Variants in MIB1 observed in about 807,000 individuals in gnomAD.
MIB1 encodes the protein MIB E3 ubiquitin protein ligase 1.
Under a neutral mutation model 124.5 loss-of-function variants are expected in MIB1, and 278 were observed. That is an observed-to-expected ratio of 2.23 (90% CI 2.02 to 2.47). MIB1 has a LOEUF of 2.47. Ranked by LOEUF, MIB1 falls within the 30% of genes most tolerant of loss-of-function variation. MIB1 has a pLI of 0.00. For synonymous variants in MIB1, 446 were observed against 429.4 expected, an observed-to-expected ratio of 1.04 and a Z score of -0.48; for missense variants, 957 against 1,254.4, an observed-to-expected ratio of 0.76 and a Z score of 3.58.
At chr18:21,856,199 C>T (rs1483579440) in intron 18 of MIB1, among the ~76,000 whole-genome samples, 8 of 144,664 alleles carry the variant, frequency 5.5e-5, no homozygotes, top group Non-Finnish European at 1.0e-4. Flanking sequence ...CACTGCAGTC[C>T]GCAGTCCGGC....
chr18:21,709,736 A>C (rs1406635989), intron 1 of MIB1, among the ~76,000 whole-genome samples: 1 of 152,210 alleles, frequency 6.6e-6, no homozygotes, highest in South Asian at 2.1e-4. Context: ...AAAGAATGCA[A>C]ATGTTTACCT....
chr18:21,839,681 T>G (rs557201137), intron 13 of MIB1, among the ~76,000 whole-genome samples: 1 of 152,128 alleles, frequency 6.6e-6, no homozygotes, highest in Non-Finnish European at 1.5e-5. Context: ...ATTTATTTTT[T>G]CTGTAAGACA....
chr18:21,854,555 C>A lies in MIB1; in HGVS notation c.2665+1337C>A, dbSNP rs559368060. On this transcript the variant is annotated intron_variant, in intron 18 of 20. Transcript: ENST00000261537. ...ATTCTAGAGCCTTAATATAATATTT[C>A]CCCCCAGGAGCTTCCAGAATTTTTT... 3.8e-5 allele frequency: 6 copies of A among 157,928 alleles called. No homozygotes were observed. The South Asian group carries it at 9.8e-4, about 26-fold the overall frequency. The allele number at this position is 157,928 out of a possible 1,614,324, so 9.8% of individuals were successfully genotyped here.
chr18:21,730,915 C>T (rs2040766367), intron 1 of MIB1, among the ~76,000 whole-genome samples: 1 of 152,186 alleles, frequency 6.6e-6, no homozygotes, highest in Non-Finnish European at 1.5e-5. Flanking sequence ...CCATGCAGAT[C>T]TTTTGGTTTC....
At chr18:21,774,617 T>C (rs1255492394) in intron 4 of MIB1, among the ~76,000 whole-genome samples, 1 of 152,116 alleles carries the variant, frequency 6.6e-6, no homozygotes, top group East Asian at 1.9e-4. Context: ...ATCTTGCTAT[T>C]TAATGTATAG....
At position 21,858,585 on chromosome 18, in the gene MIB1, A is replaced by G. The variant is rs1392823131; in HGVS notation, c.2819A>G (p.Asn940Ser). ...CCAGTATTACAAAAGGACAAGGATA[A>G]TACCAATGTCAATGCAGATGTGCAA... ...NIPVLQKDKD[N>S]TNVNADVQKL... The change falls in exon 20 of 21, where the codon AAT becomes AGT. Residue 940 changes from asparagine to serine, a missense_variant. Asn to Ser is a conservative substitution (Grantham distance 46, BLOSUM62 1). Coordinates refer to ENST00000261537, the MANE Select transcript of MIB1 (RefSeq NM_020774.4). The G allele has an allele frequency of 3.1e-6, 5 of 1,598,824 alleles. No individual in the cohort carries two copies. The highest frequency in any genetic ancestry group is 3.4e-6 in the Non-Finnish European group (4 of 1,166,710).
At position 21,823,173 on chromosome 18, in the gene MIB1, G is replaced by A. The variant is rs149016321; in HGVS notation, c.1829+3527G>A. The stretch of plus-strand genomic sequence containing the variant: ...CACCTGAACCCAGGAAGCAGAGGTT[G>A]TAGTGAGCTGAGATTGCACCACTGC... On this transcript the variant is annotated intron_variant, in intron 12 of 20. Coordinates refer to ENST00000261537, the MANE Select transcript of MIB1 (RefSeq NM_020774.4). Among the ~76,000 whole-genome samples the A allele has an allele frequency of 1.1e-4, 16 of 150,642 alleles. No individual in the cohort carries two copies. In the East Asian group the frequency reaches 1.2e-3, roughly 11 times the overall value.
intron 20 of MIB1, among the ~76,000 whole-genome samples, chr18:21,859,585 A>G (rs1364446530): frequency 6.6e-6 from 1 of 151,932 alleles, no homozygotes; most frequent in Non-Finnish European, 1.5e-5. Context: ...TTCTATATAC[A>G]TGTGATACTT....
intron 10 of MIB1, among the ~76,000 whole-genome samples, chr18:21,805,366 TTAC>T (rs2041692303): frequency 6.6e-6 from 1 of 152,200 alleles, no homozygotes. Flanking sequence ...AATAGTTTTA[TTAC>T]TATGATGTCT....
At chr18:21,728,405 A>G (rs1458406849) in intron 1 of MIB1, among the ~76,000 whole-genome samples, 2 of 152,110 alleles carry the variant, frequency 1.3e-5, no homozygotes, top group African/African-American at 4.8e-5. Flanking sequence ...AGGCAGGAGA[A>G]TTGCTTGAAC....
In MIB1 at chr18:21,853,813, A is replaced by G. The variant is rs1284992619; in HGVS notation, c.2665+595A>G. 2.0e-5 allele frequency among the ~76,000 whole-genome samples: 3 copies of G among 152,138 alleles called. No individual in the cohort carries two copies. The East Asian group carries it at 5.8e-4, about 29-fold the overall frequency. On this transcript the variant is annotated intron_variant, in intron 18 of 20. Transcript: ENST00000261537. Reference sequence around the variant, plus strand: ...CCCTTGTTCAAGTTCATACACTGTTAAATATTCTCTTCCCTTTGCTTTTCT... The same window carrying G: ...CCCTTGTTCAAGTTCATACACTGTTGAATATTCTCTTCCCTTTGCTTTTCT...
At chr18:21,858,740 A>G in intron 20 of MIB1, 94 bp downstream of exon 20, 1 of 692,600 alleles carries the variant, frequency 1.4e-6, no homozygotes, top group Admixed American at 2.1e-5. Flanking sequence ...TATGGTTTAT[A>G]TTAGTGTATC....
intron 1 of MIB1, among the ~76,000 whole-genome samples, chr18:21,753,758 C>T (rs2041001440): frequency 6.6e-6 from 1 of 151,966 alleles, no homozygotes; most frequent in South Asian, 2.1e-4. Flanking sequence ...CCCACTGCAA[C>T]CTCTGCCTCC....
rs562558267 is a variant in MIB1, at chr18:21,768,992, A to G, written c.531+240A>G. ...TCCCACCTTCAGGTTTCATATTGTCATTTTGTTACCTAGCATGCTTTTCTG... is the reference window on the plus strand; with the variant it reads ...TCCCACCTTCAGGTTTCATATTGTCGTTTTGTTACCTAGCATGCTTTTCTG... On this transcript the variant is annotated intron_variant, in intron 3 of 20. Transcript: ENST00000261537. Among the ~76,000 whole-genome samples, 3 of 152,088 alleles carry G rather than the reference A, an allele frequency of 2.0e-5. No homozygotes were observed. The South Asian group carries it at 6.2e-4, about 32-fold the overall frequency.
intron 1 of MIB1, among the ~76,000 whole-genome samples, chr18:21,716,655 T>C (rs1427273409): frequency 6.6e-6 from 1 of 152,108 alleles, no homozygotes; most frequent in African/African-American, 2.4e-5. Flanking sequence ...TTGGAGACCA[T>C]CCTGGCTAAC....
intron 12 of MIB1, chr18:21,827,078 C>A (rs561232996): frequency 5.3e-5 from 8 of 152,024 alleles, no homozygotes; most frequent in African/African-American, 9.7e-5. Flanking sequence ...CTGGCCATAT[C>A]GGGGCAAGGA....
rs1265567802 is a variant in MIB1, at chr18:21,870,165, A to G, written c.*5499A>G. The G allele has an allele frequency of 6.6e-6, 1 of 152,574 alleles. No homozygotes were observed. The highest frequency in any genetic ancestry group is 1.5e-5 in the Non-Finnish European group (1 of 67,984). 9.5% of individuals were successfully genotyped at this position (152,574 alleles called of 1,614,324 possible). Reference sequence around the variant, plus strand: ...TATCGTTAATAAAACCTATGGTGTAATATCATATAATGCTTTTCTTTGATC... The same window carrying G: ...TATCGTTAATAAAACCTATGGTGTAGTATCATATAATGCTTTTCTTTGATC... On this transcript the variant is annotated 3_prime_UTR_variant, in exon 21 of 21. Coordinates refer to ENST00000261537, the MANE Select transcript of MIB1 (RefSeq NM_020774.4).
intron 12 of MIB1, among the ~76,000 whole-genome samples, chr18:21,822,851 G>T (rs1464884915): frequency 1.3e-5 from 2 of 152,122 alleles, no homozygotes; most frequent in African/African-American, 4.8e-5. Context: ...TGTAATCCCA[G>T]CGACTTAGGA....
chr18:21,751,131 G>C (rs1326124195), intron 1 of MIB1, among the ~76,000 whole-genome samples: 1 of 152,068 alleles, frequency 6.6e-6, no homozygotes, highest in East Asian at 1.9e-4. Flanking sequence ...GAGCCTGGGA[G>C]GCAGAGGTTG....
Sources: allele counts gnomAD v4.1 joint callset (sites outside exome capture counted in the v4.1 genomes callset), GRCh38; gene constraint gnomAD v4.1.1; transcripts MANE v1.5; gene names NCBI Gene and HGNC (gene_info 2026-07-23, HGNC 2026-07-21).